RANBP6: variants seen among roughly 807,000 people sequenced by gnomAD.
The protein encoded by RANBP6 is RAN binding protein 6.
RANBP6 carries 10 observed loss-of-function variants against 35.3 expected under a neutral mutation model. That is an observed-to-expected ratio of 0.28 (90% CI 0.17 to 0.48). The LOEUF (loss-of-function observed/expected upper bound fraction) is 0.48, where lower values mean the gene tolerates loss of function less well. Ranked by LOEUF, RANBP6 falls within the 20% of genes least tolerant of loss-of-function variation. The pLI is 0.99. For synonymous variants in RANBP6, 514 were observed against 464.2 expected, an observed-to-expected ratio of 1.11 and a Z score of -1.38; for missense variants, 1,392 against 1,307.7, an observed-to-expected ratio of 1.06 and a Z score of -0.99.
In RANBP6 at chr9:6,015,402, A is replaced by G. The variant is rs756568863; in HGVS notation, c.206T>C (p.Met69Thr). Reference sequence around the variant, plus strand: ...AAGCCGTCGTAGCAGTGCGGCAGCCATTTGTCTCACCTCATAACCTGCTCT... The same window carrying G: ...AAGCCGTCGTAGCAGTGCGGCAGCCGTTTGTCTCACCTCATAACCTGCTCT... ...NRRAGYEVRQ[M>T]AAALLRRLLS... The change falls in exon 1 of 1, where the codon ATG (methionine) becomes ACG (threonine). Residue 69 changes from methionine (M) to threonine (T), a missense_variant. Physicochemically the swap from Met to Thr is moderately conservative, Grantham distance 81. Coordinates refer to ENST00000259569, the MANE Select transcript of RANBP6 (RefSeq NM_012416.4). 6.2e-7 allele frequency: 1 copy of G among 1,614,212 alleles called. No individual in the cohort carries two copies. The highest frequency in any genetic ancestry group is 2.2e-5 in the East Asian group (1 of 44,882).
rs1180660843 is a variant in RANBP6, at chr9:6,012,277, A to T, written c.*13T>A. ...TTTTATAATAGATAATATTCAAGTT[A>T]TATTAAAGTGCTTCAAGCAAAATTT... On this transcript the variant is annotated 3_prime_UTR_variant, in exon 1 of 1. Transcript: ENST00000259569. 1 of 1,503,584 alleles carries T rather than the reference A, an allele frequency of 6.7e-7. No homozygotes were observed. Among genetic ancestry groups the T allele is most frequent in the Non-Finnish European group, 8.9e-7 (1 of 1,120,412 alleles). The allele number at this position is 1,503,584 out of a possible 1,614,324, so 93.1% of individuals were successfully genotyped here. A position where few individuals can be genotyped will look rare whatever the true frequency, so the allele number is the denominator to read the frequency against.
At position 6,014,696 on chromosome 9, in the gene RANBP6, T is replaced by C; in HGVS notation, c.912A>G (p.Lys304=). The C allele has an allele frequency of 6.2e-7, 1 of 1,614,170 alleles. No individual in the cohort carries two copies. Among genetic ancestry groups the C allele is most frequent in the Non-Finnish European group, 8.5e-7 (1 of 1,180,042 alleles). ...CTGCCTGTGCAATAATATTTGTATGTTTTTTCAACATCGGAGTGGCAGTTT... is the reference window on the plus strand; with the variant it reads ...CTGCCTGTGCAATAATATTTGTATGCTTTTTCAACATCGGAGTGGCAGTTT... ...LSETATPMLK[K]HTNIIAQAVP... The change falls in exon 1 of 1, where the codon AAA becomes AAG. Residue 304 remains lysine (K), a synonymous_variant. Coordinates refer to ENST00000259569, the MANE Select transcript of RANBP6 (RefSeq NM_012416.4).
At position 6,014,635 on chromosome 9, in the gene RANBP6, C is replaced by G; in HGVS notation, c.973G>C (p.Asp325His). ...TCAGCATTTACCCAGTCCTCATCAT[C>G]TTGTAGATCAACCATCATTGCTAAT... ...HILAMMVDLQDDEDWVNADEM... is the reference protein window; with the variant it reads ...HILAMMVDLQHDEDWVNADEM... Residue 325 changes from aspartate to histidine, a missense_variant, in exon 1 of 1, where the codon GAT becomes CAT. Coordinates refer to ENST00000259569, the MANE Select transcript of RANBP6 (RefSeq NM_012416.4). 6.2e-7 allele frequency: 1 copy of G among 1,614,190 alleles called. No individual in the cohort carries two copies.
At position 6,012,219 on chromosome 9, in the gene RANBP6, T is replaced by TA; in HGVS notation, c.*70dup. The TA allele has an allele frequency of 8.6e-7, 1 of 1,162,890 alleles. No homozygotes were observed. The highest frequency in any genetic ancestry group is 2.7e-5 in the Admixed American group (1 of 37,264). 72.0% of individuals were successfully genotyped at this position (1,162,890 alleles called of 1,614,324 possible). ...GAGAAAACAGTTCTCTGATTTATAA[T>TA]AAAATCTATTCACAACACTTATTTG... is the stretch of plus-strand genomic sequence containing the variant. On this transcript the variant is annotated 3_prime_UTR_variant, in exon 1 of 1. Coordinates refer to ENST00000259569, the MANE Select transcript of RANBP6 (RefSeq NM_012416.4).
At position 6,012,998 on chromosome 9, in the gene RANBP6, T is replaced by C. The variant is rs776524425; in HGVS notation, c.2610A>G (p.Glu870=). 3 of 1,613,718 alleles carry C rather than the reference T, an allele frequency of 1.9e-6. No homozygotes were observed. Among genetic ancestry groups the C allele is most frequent in the African/African-American group, 2.7e-5 (2 of 74,932 alleles). ...TYKEKILPWF[E]QLLPLIVNLI... is the part of the protein sequence containing the mutation. ...GATTTACAATTAATGGAAGTAGTTGTTCAAACCATGGTAAAATCTTTTCCT... is the reference window on the plus strand; with the variant it reads ...GATTTACAATTAATGGAAGTAGTTGCTCAAACCATGGTAAAATCTTTTCCT... Residue 870 remains glutamate, a synonymous_variant, in exon 1 of 1, where the codon GAA becomes GAG. Transcript: ENST00000259569.
rs553843673 is a variant in RANBP6 at position 6,013,360 on chromosome 9, G to C, written c.2248C>G (p.Leu750Val). ...ECARIRGPEY[L>V]AQMWQFICDP... The stretch of plus-strand genomic sequence containing the variant: ...CATATGAATTGCCACATCTGTGCAA[G>C]ATACTCTGGGCCACGAATTCTTGCA... The change falls in exon 1 of 1, where the codon CTT (leucine) becomes GTT (valine). Residue 750 changes from leucine (L) to valine (V), a missense_variant. Leu to Val is a conservative substitution (Grantham distance 32). Coordinates refer to ENST00000259569, the MANE Select transcript of RANBP6 (RefSeq NM_012416.4). 3 of 1,614,162 alleles carry C rather than the reference G, an allele frequency of 1.9e-6. No individual in the cohort carries two copies. The highest frequency in any genetic ancestry group is 1.1e-5 in the South Asian group (1 of 91,084).
chr9:6,015,381 C>A lies in RANBP6; in HGVS notation c.227G>T (p.Arg76Leu). Residue 76 changes from arginine to leucine, a missense_variant, in exon 1 of 1, where the codon CGG becomes CTG. Coordinates refer to ENST00000259569, the MANE Select transcript of RANBP6 (RefSeq NM_012416.4). Reference sequence around the variant, plus strand: ...CTCCTCAAACCCAGAGGACAAAAGCCGTCGTAGCAGTGCGGCAGCCATTTG... The same window carrying A: ...CTCCTCAAACCCAGAGGACAAAAGCAGTCGTAGCAGTGCGGCAGCCATTTG... ...VRQMAAALLR[R>L]LLSSGFEEVY... The A allele has an allele frequency of 6.2e-7, 1 of 1,614,164 alleles. No homozygotes were observed. Among genetic ancestry groups the A allele is most frequent in the Non-Finnish European group, 8.5e-7 (1 of 1,180,022 alleles).
chr9:6,012,970 T>C lies in RANBP6; in HGVS notation c.2638A>G (p.Ile880Val), dbSNP rs1179391713. ...EQLLPLIVNL[I>V]CSSRPWPDRQ... ...TCTGGCCATGGCCTACTTGAACAAA[T>C]TAGATTTACAATTAATGGAAGTAGT... is the stretch of plus-strand genomic sequence containing the variant. The change falls in exon 1 of 1, where the codon ATT becomes GTT. Residue 880 changes from isoleucine (I) to valine (V), a missense_variant. Ile to Val is a conservative substitution (Grantham distance 29, BLOSUM62 3). Coordinates refer to ENST00000259569, the MANE Select transcript of RANBP6 (RefSeq NM_012416.4). The C allele has an allele frequency of 1.9e-6, 3 of 1,614,026 alleles. No individual in the cohort carries two copies. In the African/African-American group the frequency reaches 4.0e-5, roughly 22 times the overall value.
chr9:6,015,589 C>A lies in RANBP6; in HGVS notation c.19G>T (p.Ala7Ser). 1 of 1,598,060 alleles carries A rather than the reference C, an allele frequency of 6.3e-7. No homozygotes were observed. Among genetic ancestry groups the A allele is most frequent in the Non-Finnish European group, 8.5e-7 (1 of 1,177,428 alleles). Reference protein sequence around the residue: MAATASAGVPATVSEKQ... With the variant: MAATASSGVPATVSEKQ... The stretch of plus-strand genomic sequence containing the variant: ...TCTGACACGGTCGCCGGCACCCCTG[C>A]AGACGCGGTTGCCGCCATTGCGCTC... The change falls in exon 1 of 1, where the codon GCA (alanine) becomes TCA (serine). Residue 7 changes from alanine (A) to serine (S), a missense_variant. Ala to Ser is a moderately conservative substitution (Grantham distance 99). Coordinates refer to ENST00000259569, the MANE Select transcript of RANBP6 (RefSeq NM_012416.4).
chr9:6,013,372 C>T lies in RANBP6; in HGVS notation c.2236G>A (p.Gly746Ser). 6.2e-7 allele frequency: 1 copy of T among 1,614,170 alleles called. No individual in the cohort carries two copies. Among genetic ancestry groups the T allele is most frequent in the East Asian group, 2.2e-5 (1 of 44,892 alleles). ...CACATCTGTGCAAGATACTCTGGGC[C>T]ACGAATTCTTGCACATTCCAGGAGA... ...PFLLECARIR[G>S]PEYLAQMWQF... The change falls in exon 1 of 1, where the codon GGC becomes AGC. Residue 746 changes from glycine (G) to serine (S), a missense_variant. Physicochemically the swap from Gly to Ser is moderately conservative, Grantham distance 56. Transcript: ENST00000259569.
At position 6,014,660 on chromosome 9, in the gene RANBP6, T is replaced by C; in HGVS notation, c.948A>G (p.Ile316Met). The change falls in exon 1 of 1, where the codon ATA becomes ATG. Residue 316 changes from isoleucine (I) to methionine (M), a missense_variant. By Grantham distance (10) the Ile-to-Met change is conservative (BLOSUM62 1). Transcript: ENST00000259569. ...CTTGTAGATCAACCATCATTGCTAA[T>C]ATATGAGGAACTGCCTGTGCAATAA... ...TNIIAQAVPH[I>M]LAMMVDLQDD... 2 of 1,614,194 alleles carry C rather than the reference T, an allele frequency of 1.2e-6. No homozygotes were observed. The highest frequency in any genetic ancestry group is 8.5e-7 in the Non-Finnish European group (1 of 1,180,014).
rs762602940 is a variant in RANBP6 at position 6,014,186 on chromosome 9, A to G, written c.1422T>C (p.Leu474=). 2.5e-6 allele frequency: 4 copies of G among 1,613,786 alleles called. No individual in the cohort carries two copies. The highest frequency in any genetic ancestry group is 3.3e-5 in the Admixed American group (2 of 59,988). ...QRVQSHAASA[L]IIFIEDCPKS... ...TAGGGCAGTCTTCAATAAAAATAAT[A>G]AGAGCAGAAGCTGCATGTGATTGCA... Residue 474 remains leucine, a synonymous_variant, in exon 1 of 1, where the codon CTT becomes CTC. Coordinates refer to ENST00000259569, the MANE Select transcript of RANBP6 (RefSeq NM_012416.4).
Position 6,013,699 on chromosome 9 carries a change from G to C in RANBP6, c.1909C>G (p.Pro637Ala). Residue 637 changes from proline (P) to alanine (A), a missense_variant, in exon 1 of 1, where the codon CCT (proline) becomes GCT (alanine). By Grantham distance (27) the Pro-to-Ala change is conservative. Transcript: ENST00000259569. ...TTAGCTGAAGCAGTCTTAATAAGAGGCTCGATAACCAGTGGAAGGTACTGT... is the reference window on the plus strand; with the variant it reads ...TTAGCTGAAGCAGTCTTAATAAGAGCCTCGATAACCAGTGGAAGGTACTGT... ...FQQYLPLVIEPLIKTASAKPD... is the reference protein window; with the variant it reads ...FQQYLPLVIEALIKTASAKPD... The C allele has an allele frequency of 6.2e-7, 1 of 1,614,038 alleles. No individual in the cohort carries two copies.
rs1842556389 is a variant in RANBP6, at chr9:6,015,350, AT to A, written c.257del (p.Tyr86PhefsTer16). 1 of 1,614,110 alleles carries A rather than the reference AT, an allele frequency of 6.2e-7. No individual in the cohort carries two copies. Among genetic ancestry groups the A allele is most frequent in the African/African-American group, 1.3e-5 (1 of 74,938 alleles). On this transcript the variant is annotated frameshift_variant, in exon 1 of 1. Coordinates refer to ENST00000259569, the MANE Select transcript of RANBP6 (RefSeq NM_012416.4). LOFTEE classifies it low-confidence loss of function (END_TRUNC). ...TCTGAACATCAGCAGGCAGATTTGG[AT>A]AAACCTCCTCAAACCCAGAGGACAA... ...RLLSSGFEEV[Y>X]PNLPADVQRD...
Position 6,014,505 on chromosome 9 carries a change from T to G in RANBP6, c.1103A>C (p.Lys368Thr). The part of the protein sequence containing the change: ...LGGKVVLPMT[K>T]EHIMQMLQSP... ...CTGAAGCATCTGCATGATATGCTCC[T>G]TGGTCATTGGTAAAACAACTTTTCC... The change falls in exon 1 of 1, where the codon AAG (lysine) becomes ACG (threonine). Residue 368 changes from lysine (K) to threonine (T), a missense_variant. Coordinates refer to ENST00000259569, the MANE Select transcript of RANBP6 (RefSeq NM_012416.4). 1 of 1,614,218 alleles carries G rather than the reference T, an allele frequency of 6.2e-7. No homozygotes were observed. Among genetic ancestry groups the G allele is most frequent in the Non-Finnish European group, 8.5e-7 (1 of 1,180,028 alleles).
In RANBP6 at chr9:6,012,590, T is replaced by C. The variant is rs762019376; in HGVS notation, c.3018A>G (p.Ser1006=). 6.2e-6 allele frequency: 10 copies of C among 1,614,010 alleles called. No individual in the cohort carries two copies. In the Admixed American group the frequency reaches 1.3e-4, roughly 22 times the overall value. Residue 1006 remains serine, a synonymous_variant, in exon 1 of 1, where the codon TCA becomes TCG. Transcript: ENST00000259569. ...CTTTATCTTCATGCAGTGGAAGCCA[T>C]GATAACCAGTGTGGAAGAACTTCAT... ...NVDEVLPHWL[S]WLPLHEDKEE...
Position 6,014,860 on chromosome 9 carries a change from C to G in RANBP6, c.748G>C (p.Glu250Gln). 6.2e-7 allele frequency: 1 copy of G among 1,614,158 alleles called. No homozygotes were observed. The highest frequency in any genetic ancestry group is 8.5e-7 in the Non-Finnish European group (1 of 1,180,024). ...TACTTAGGTACGGTATCTGCAATCTCAACAAGGGATTCTAGCACTGAATCA... is the reference window on the plus strand; with the variant it reads ...TACTTAGGTACGGTATCTGCAATCTGAACAAGGGATTCTAGCACTGAATCA... ...DDDSVLESLV[E>Q]IADTVPKYLG... Residue 250 changes from glutamate (E) to glutamine (Q), a missense_variant, in exon 1 of 1, where the codon GAG (glutamate) becomes CAG (glutamine). Physicochemically the swap from Glu to Gln is conservative, Grantham distance 29. Transcript: ENST00000259569.
chr9:6,012,405 C>T lies in RANBP6; in HGVS notation c.3203G>A (p.Arg1068His), dbSNP rs1480457313. Reference protein sequence around the residue: ...TINYEDPCAKRLANVVRQVQT... With the variant: ...TINYEDPCAKHLANVVRQVQT... ...TACCTGACGCACGACATTAGCTAGG[C>T]GTTTGGCACAAGGATCCTCATAGTT... Residue 1068 changes from arginine to histidine, a missense_variant, in exon 1 of 1, where the codon CGC (arginine) becomes CAC (histidine). Coordinates refer to ENST00000259569, the MANE Select transcript of RANBP6 (RefSeq NM_012416.4). 1.9e-6 allele frequency: 3 copies of T among 1,613,902 alleles called. No homozygotes were observed. The highest frequency in any genetic ancestry group is 1.7e-5 in the Admixed American group (1 of 59,974).
rs1293479194 is a variant in RANBP6, at chr9:6,015,519, C to T, written c.89G>A (p.Ser30Asn). The T allele has an allele frequency of 6.2e-6, 10 of 1,613,386 alleles. No homozygotes were observed. Among genetic ancestry groups the T allele is most frequent in the Non-Finnish European group, 8.5e-6 (10 of 1,180,030 alleles). Residue 30 changes from serine to asparagine, a missense_variant, in exon 1 of 1, where the codon AGC (serine) becomes AAC (asparagine). Ser to Asn is a conservative substitution (Grantham distance 46). Coordinates refer to ENST00000259569, the MANE Select transcript of RANBP6 (RefSeq NM_012416.4). Reference protein sequence around the residue: ...YQLLKNLINPSCMVRRQAEEI... With the variant: ...YQLLKNLINPNCMVRRQAEEI... ...CTCTGCTTGCCTCCGCACCATACAG[C>T]TTGGATTGATCAGGTTCTTCAGAAG...
Sources: gnomAD v4.1 joint callset for allele counts on GRCh38, gnomAD v4.1.1 for gene constraint, MANE v1.5 for transcripts, NCBI Gene and HGNC (gene_info 2026-07-23, HGNC 2026-07-21) for gene names.